The following HIVEP3 variants were observed in gnomAD, a reference collection of about 807,000 sequenced individuals.
HIVEP3 encodes transcription factor HIVEP3.
Under a neutral mutation model 152.8 loss-of-function variants are expected in HIVEP3, and 49 were observed. The ratio of observed to expected loss-of-function variants is 0.32; its 90% CI spans 0.26 to 0.41. HIVEP3 has a LOEUF of 0.41. Ranked by LOEUF, HIVEP3 falls within the 10% of genes least tolerant of loss-of-function variation. HIVEP3 has a pLI of 1.00. For missense variants in HIVEP3, 2,790 were observed against 3,103.3 expected (o/e 0.90, Z 2.40); for synonymous variants, 1,269 against 1,289.0 (o/e 0.98, Z 0.33).
At chr1:41,858,237 G>A (rs1411930158) in intron 1 of HIVEP3, among the ~76,000 whole-genome samples, 1 of 152,174 alleles carries the variant, frequency 6.6e-6, no homozygotes, top group African/African-American at 2.4e-5. Flanking sequence ...CCACCATATT[G>A]GAATGGACTG....
intron 2 of HIVEP3, among the ~76,000 whole-genome samples, chr1:41,672,212 G>A (rs1352325242): frequency 4.6e-5 from 7 of 152,150 alleles, no homozygotes; most frequent in Admixed American, 4.6e-4. Flanking sequence ...CCACCTCCCT[G>A]GCACATGTGG....
At chr1:41,606,075 GAATGCCAA>G (rs760847237) in intron 3 of HIVEP3, among the ~76,000 whole-genome samples, 6 of 149,586 alleles carry the variant, frequency 4.0e-5, no homozygotes, top group Non-Finnish European at 8.8e-5. Context: ...CTAGGCCCCA[GAATGCCAA>G]ACCGTCCTCA....
In HIVEP3 at chr1:41,906,036, G is replaced by A. The variant is rs187174006; in HGVS notation, c.-801+12377C>T. Among the ~76,000 whole-genome samples, 478 of 152,214 alleles carry A rather than the reference G, an allele frequency of 3.1e-3. 6 individuals are homozygous for A. The highest frequency in any genetic ancestry group is 0.011 in the African/African-American group (439 of 41,520). ...GATAAAAAATCTGTGGTGGCCAGGC[G>A]CGGTGGCTCACGCCTGTAATCCCAG... On this transcript the variant is annotated intron_variant, in intron 1 of 8. Transcript: ENST00000372583.
intron 1 of HIVEP3, among the ~76,000 whole-genome samples, chr1:42,016,451 G>C (rs1181172141): frequency 6.6e-6 from 1 of 151,856 alleles, no homozygotes; most frequent in South Asian, 2.1e-4. Context: ...TCATTGTAGG[G>C]AATTTGGAAT....
rs570625297 is a variant in HIVEP3 at position 41,864,146 on chromosome 1, G to A, written c.-801+54267C>T. Among the ~76,000 whole-genome samples the A allele has an allele frequency of 9.4e-4, 143 of 152,210 alleles. 2 individuals are homozygous for A. Among genetic ancestry groups the A allele is most frequent in the African/African-American group, 3.3e-3 (138 of 41,520 alleles). On this transcript the variant is annotated intron_variant, in intron 1 of 8. Coordinates refer to ENST00000372583, the MANE Select transcript of HIVEP3 (RefSeq NM_024503.5). ...ATTCTTCCACTGGAGATTCCCCAAG[G>A]GCTCAGGATTGGGACAGGCCTTTTC...
intron 3 of HIVEP3, among the ~76,000 whole-genome samples, chr1:41,619,807 A>G (rs1400395372): frequency 1.3e-5 from 2 of 152,094 alleles, no homozygotes; most frequent in African/African-American, 2.4e-5. Flanking sequence ...CAGTCCCCCA[A>G]CCCCAACCAG....
intron 1 of HIVEP3, among the ~76,000 whole-genome samples, chr1:41,815,409 T>C (rs1297551882): frequency 6.6e-6 from 1 of 152,100 alleles, no homozygotes; most frequent in Non-Finnish European, 1.5e-5. Flanking sequence ...AGTTTGAGGC[T>C]GCAGTGAGCT....
chr1:41,907,572 G>A (rs765619269), intron 1 of HIVEP3, among the ~76,000 whole-genome samples: 2 of 152,182 alleles, frequency 1.3e-5, no homozygotes, highest in East Asian at 1.9e-4. Flanking sequence ...AGACTGGCAC[G>A]GTTCCCTCCC....
chr1:41,733,758 C>T (rs994918402), intron 1 of HIVEP3, among the ~76,000 whole-genome samples: 1 of 152,200 alleles, frequency 6.6e-6, no homozygotes, highest in African/African-American at 2.4e-5. Flanking sequence ...GTGGGGAAGG[C>T]TCTGGGACAG....
At chr1:41,920,973 GTT>G (rs771220785), upstream of HIVEP3, among the ~76,000 whole-genome samples, 9 of 152,108 alleles carry the variant, frequency 5.9e-5, no homozygotes, top group Non-Finnish European at 1.0e-4. Flanking sequence ...TTCAGTAAAA[GTT>G]TTTCTCAACC....
At chr1:41,775,501 GT>G (rs1346061094) in intron 1 of HIVEP3, among the ~76,000 whole-genome samples, 1 of 151,714 alleles carries the variant, frequency 6.6e-6, no homozygotes, top group African/African-American at 2.4e-5. Context: ...TTGTTTTTTT[GT>G]TTTTTTGAGA....
chr1:41,690,370 A>C (rs11210510), intron 2 of HIVEP3, among the ~76,000 whole-genome samples: 4,874 of 152,308 alleles, frequency 0.032, 257 homozygotes, highest in African/African-American at 0.11. Context: ...GGTGTGCCTG[A>C]CAGGAAGTGA....
chr1:41,730,421 T>C (rs57593159), intron 1 of HIVEP3, among the ~76,000 whole-genome samples: 2,072 of 152,286 alleles, frequency 0.014, 43 homozygotes, highest in African/African-American at 0.047. Flanking sequence ...CAACCCTGCA[T>C]CCCTGGCACC....
At chr1:41,620,282 A>AT (rs1458658269) in intron 3 of HIVEP3, among the ~76,000 whole-genome samples, 1 of 151,932 alleles carries the variant, frequency 6.6e-6, no homozygotes, top group African/African-American at 2.4e-5. Flanking sequence ...GCAAACAGAA[A>AT]TTTTTTCTCG....
chr1:41,962,529 G>T (rs1645174590), intron 1 of HIVEP3, among the ~76,000 whole-genome samples: 1 of 152,190 alleles, frequency 6.6e-6, no homozygotes, highest in African/African-American at 2.4e-5. Context: ...TACTCCCTGG[G>T]ACGTCACTAG....
intron 1 of HIVEP3, among the ~76,000 whole-genome samples, chr1:41,713,618 C>A (rs368751867): frequency 6.6e-6 from 1 of 152,162 alleles, no homozygotes; most frequent in Non-Finnish European, 1.5e-5. Flanking sequence ...TAGGTGGAGA[C>A]AAGAGTCTAT....
intron 1 of HIVEP3, among the ~76,000 whole-genome samples, chr1:41,731,994 A>C (rs1007270382): frequency 2.6e-5 from 4 of 152,208 alleles, no homozygotes; most frequent in Admixed American, 2.6e-4. Flanking sequence ...CTGGCATGGA[A>C]CCAGGCCCTC....
At chr1:41,676,368 C>G (rs1394448481) in intron 2 of HIVEP3, among the ~76,000 whole-genome samples, 1 of 152,140 alleles carries the variant, frequency 6.6e-6, no homozygotes. Context: ...TTTCTCAGCA[C>G]TCCCTGAGGC....
chr1:41,955,592 G>C (rs1645136262), intron 1 of HIVEP3, among the ~76,000 whole-genome samples: 1 of 152,190 alleles, frequency 6.6e-6, no homozygotes, highest in African/African-American at 2.4e-5. Flanking sequence ...TCCTGAAAGG[G>C]GAGAAGAGGC....
Sources: gnomAD v4.1 joint callset for allele counts (sites outside exome capture counted in the v4.1 genomes callset) on GRCh38, gnomAD v4.1.1 for gene constraint, MANE v1.5 for transcripts, NCBI Gene and HGNC (gene_info 2026-07-23, HGNC 2026-07-21) for gene names.